The following CNTNAP5 variants were observed in gnomAD, a reference collection of about 807,000 sequenced individuals.
CNTNAP5 encodes the protein contactin-associated protein-like 5.
CNTNAP5 carries 72 observed loss-of-function variants against 150.2 expected under a neutral mutation model. The ratio of observed to expected loss-of-function variants is 0.48; its 90% CI spans 0.40 to 0.58. CNTNAP5 has a LOEUF of 0.58. Among genes scored for constraint, CNTNAP5 ranks in the 20% least tolerant of loss-of-function variants. CNTNAP5 has a pLI of 0.00. For missense variants in CNTNAP5, 1,636 were observed against 1,626.2 expected, an observed-to-expected ratio of 1.01 and a Z score of -0.10; for synonymous variants, 672 against 619.8, an observed-to-expected ratio of 1.08 and a Z score of -1.25.
intron 19 of CNTNAP5, among the ~76,000 whole-genome samples, chr2:124,808,631 A>G (rs1682133957): frequency 6.6e-6 from 1 of 151,812 alleles, no homozygotes; most frequent in Non-Finnish European, 1.5e-5. Flanking sequence ...TTTTTATTTT[A>G]TTTTAGAAGT....
At chr2:124,359,290 G>A (rs2104712337) in intron 3 of CNTNAP5, among the ~76,000 whole-genome samples, 1 of 150,516 alleles carries the variant, frequency 6.6e-6, no homozygotes, top group East Asian at 2.0e-4. Flanking sequence ...AGGGTTTTTT[G>A]TGTCTCTATT....
intron 7 of CNTNAP5, among the ~76,000 whole-genome samples, chr2:124,480,524 TATAAC>T (rs1292225666): frequency 6.6e-6 from 1 of 152,116 alleles, no homozygotes; most frequent in Non-Finnish European, 1.5e-5. Context: ...GGTGCACACA[TATAAC>T]ATACACACAC....
intron 1 of CNTNAP5, among the ~76,000 whole-genome samples, chr2:124,037,464 G>T (rs528234182): frequency 6.6e-6 from 1 of 150,812 alleles, no homozygotes; most frequent in South Asian, 2.1e-4. Context: ...TGGATAAAAA[G>T]TGCACAGTAT....
rs192324862 is a variant in CNTNAP5 at position 124,439,668 on chromosome 2, A to G, written c.733+4981A>G. ...TTGAGAGTCAAGTCCATTGAATCAC[A>G]TTGCTTCCTGTCCGTTTCTTATTTT... On this transcript the variant is annotated intron_variant, in intron 5 of 23. Coordinates refer to ENST00000682447, the MANE Select transcript of CNTNAP5 (RefSeq NM_001367498.1). 1.4e-4 allele frequency among the ~76,000 whole-genome samples: 21 copies of G among 152,234 alleles called. No individual in the cohort carries two copies. In the East Asian group the frequency reaches 3.9e-3, roughly 28 times the overall value.
At chr2:124,040,621 C>CTCTGTGTG (rs1553431802) in intron 1 of CNTNAP5, among the ~76,000 whole-genome samples, 10 of 145,148 alleles carry the variant, frequency 6.9e-5, no homozygotes, top group Middle Eastern at 3.5e-3. Flanking sequence ...CTGTATGCCT[C>CTCTGTGTG]TGTGTGTGTG....
intron 3 of CNTNAP5, among the ~76,000 whole-genome samples, chr2:124,302,068 A>G (rs915479518): frequency 6.6e-6 from 1 of 152,208 alleles, no homozygotes; most frequent in African/African-American, 2.4e-5. Flanking sequence ...GTGAGAATGC[A>G]GTGAGAAGGC....
At chr2:124,465,209 A>T (rs1693349166) in intron 6 of CNTNAP5, among the ~76,000 whole-genome samples, 1 of 152,226 alleles carries the variant, frequency 6.6e-6, no homozygotes, top group Non-Finnish European at 1.5e-5. Context: ...GACCTCATGC[A>T]TTTAACATCA....
At chr2:124,459,126 C>T (rs1025056603) in intron 6 of CNTNAP5, among the ~76,000 whole-genome samples, 1 of 152,182 alleles carries the variant, frequency 6.6e-6, no homozygotes, top group African/African-American at 2.4e-5. Context: ...AAATTACCCA[C>T]TAACTTATCA....
intron 13 of CNTNAP5, among the ~76,000 whole-genome samples, chr2:124,741,462 C>G (rs1381544020): frequency 6.6e-6 from 1 of 152,146 alleles, no homozygotes; most frequent in Admixed American, 6.6e-5. Flanking sequence ...TTCAACAGCT[C>G]CCAATGATTA....
intron 1 of CNTNAP5, among the ~76,000 whole-genome samples, chr2:124,070,265 A>C (rs2104663330): frequency 6.6e-6 from 1 of 152,054 alleles, no homozygotes; most frequent in Non-Finnish European, 1.5e-5. Context: ...AAGGAAAGAA[A>C]GAAGCAAAAC....
chr2:124,066,658 A>AC (rs1050995424), intron 1 of CNTNAP5, among the ~76,000 whole-genome samples: 9 of 57,186 alleles, frequency 1.6e-4, no homozygotes, highest in Admixed American at 8.6e-4. Flanking sequence ...ATTTTTAACA[A>AC]AAAAAAAATA....
intron 6 of CNTNAP5, among the ~76,000 whole-genome samples, chr2:124,470,601 G>A (rs529078938): frequency 6.6e-6 from 1 of 152,172 alleles, no homozygotes; most frequent in East Asian, 1.9e-4. Flanking sequence ...TTTTGCTTTA[G>A]TTGTAATTGC....
chr2:124,346,535 C>T (rs1022221278), intron 3 of CNTNAP5, among the ~76,000 whole-genome samples: 3 of 152,134 alleles, frequency 2.0e-5, no homozygotes, highest in Admixed American at 6.5e-5. Context: ...TAATTCATAA[C>T]GTGTTAGAAT....
chr2:124,286,801 A>G (rs1410295496), intron 3 of CNTNAP5, among the ~76,000 whole-genome samples: 1 of 152,150 alleles, frequency 6.6e-6, no homozygotes, highest in East Asian at 1.9e-4. Flanking sequence ...TGTGTTTTCA[A>G]TGTAGCTGTT....
chr2:124,084,417 C>T (rs1682630504), intron 1 of CNTNAP5, among the ~76,000 whole-genome samples: 1 of 151,992 alleles, frequency 6.6e-6, no homozygotes, highest in African/African-American at 2.4e-5. Flanking sequence ...CAGATGCATG[C>T]CATCATGCCA....
chr2:124,305,794 A>G (rs1439540926), intron 3 of CNTNAP5, among the ~76,000 whole-genome samples: 1 of 152,172 alleles, frequency 6.6e-6, no homozygotes, highest in Non-Finnish European at 1.5e-5. Flanking sequence ...CTTTATATTG[A>G]ACTTCTCAGC....
intron 22 of CNTNAP5, among the ~76,000 whole-genome samples, chr2:124,909,826 C>CATACATATATATATAT (rs1553454761): frequency 1.3e-5 from 1 of 74,612 alleles, no homozygotes; most frequent in Non-Finnish European, 2.5e-5. Flanking sequence ...CAATTGGTGA[C>CATACATATATATATAT]ATATATATAT....
At chr2:124,064,273 G>C (rs374171966) in intron 1 of CNTNAP5, among the ~76,000 whole-genome samples, 17 of 152,226 alleles carry the variant, frequency 1.1e-4, no homozygotes, top group African/African-American at 4.1e-4. Flanking sequence ...TGCTTTAAAG[G>C]CTTAGAATAA....
At position 124,070,140 on chromosome 2, in the gene CNTNAP5, T is replaced by C. The variant is rs146516588; in HGVS notation, c.82+44408T>C. On this transcript the variant is annotated intron_variant, in intron 1 of 23. Transcript: ENST00000682447. ...TTTAAAATCATGGATTACAAGATAG[T>C]ATTTGTAAGTCTCATGATAATCTTA... 1.8e-4 allele frequency among the ~76,000 whole-genome samples: 28 copies of C among 152,182 alleles called. No individual in the cohort carries two copies. The East Asian group carries it at 5.4e-3, about 29-fold the overall frequency.
Sources: allele counts gnomAD v4.1 joint callset (sites outside exome capture counted in the v4.1 genomes callset), GRCh38; gene constraint gnomAD v4.1.1; transcripts MANE v1.5; gene names NCBI Gene and HGNC (gene_info 2026-07-23, HGNC 2026-07-21).